Variants in PARVB observed in about 807,000 individuals in gnomAD.
PARVB encodes the protein beta-parvin.
In PARVB, 46 loss-of-function variants were observed where a neutral mutation model predicts 47.0. The observed-to-expected ratio is 0.98, with a 90% CI of 0.77 to 1.25. The LOEUF is 1.25. Among genes scored for constraint, PARVB ranks in the 50% most tolerant of loss-of-function variants. The pLI, the probability that PARVB is intolerant of heterozygous loss-of-function variation, is 0.00. For synonymous variants in PARVB, 196 were observed against 196.3 expected (o/e 1.00, Z 0.01); for missense variants, 473 against 471.6 (o/e 1.00, Z -0.03).
intron 1 of PARVB, among the ~76,000 whole-genome samples, chr22:44,090,977 T>C (rs1053543202): frequency 6.6e-6 from 1 of 152,262 alleles, no homozygotes; most frequent in Admixed American, 6.5e-5. Context: ...TACAAATACT[T>C]GCTGAAATTT....
intron 1 of PARVB, among the ~76,000 whole-genome samples, chr22:44,036,056 G>A (rs1001622656): frequency 2.0e-5 from 3 of 151,964 alleles, no homozygotes; most frequent in Non-Finnish European, 2.9e-5. Flanking sequence ...TCAGGAGTTC[G>A]ACACCAGCCT....
rs1321871355 is a variant in PARVB, at chr22:44,049,133, T to C, written c.112+24682T>C. Among the ~76,000 whole-genome samples, 1 of 152,138 alleles carries C rather than the reference T, an allele frequency of 6.6e-6. No individual in the cohort carries two copies. The highest frequency in any genetic ancestry group is 1.5e-5 in the Non-Finnish European group (1 of 68,016). ...GTGCCACTTCCCCTGCAAAATGAGATGAAAATGAGTCTCATTTTACGATGA... is the reference window on the plus strand; with the variant it reads ...GTGCCACTTCCCCTGCAAAATGAGACGAAAATGAGTCTCATTTTACGATGA... On this transcript the variant is annotated intron_variant, in intron 1 of 12. Coordinates refer to ENST00000338758, the MANE Select transcript of PARVB (RefSeq NM_013327.5). This position sits in a 1 kb window ranked among gnomAD's most constrained non-coding sequence, Gnocchi z 4.0.
chr22:44,020,200 AG>A (rs1480669277), upstream of PARVB, among the ~76,000 whole-genome samples: 1 of 143,810 alleles, frequency 7.0e-6, no homozygotes, highest in Non-Finnish European at 1.5e-5. Context: ...TTTTTGAGGC[AG>A]GGTCTGGCTC....
intron 6 of PARVB, among the ~76,000 whole-genome samples, chr22:44,135,239 C>T (rs1288815289): frequency 6.6e-6 from 1 of 152,044 alleles, no homozygotes; most frequent in Non-Finnish European, 1.5e-5. Flanking sequence ...TCACCACTGC[C>T]ATGCCCCCCT....
At chr22:44,061,994 C>G (rs2051428819) in intron 1 of PARVB, among the ~76,000 whole-genome samples, 2 of 152,260 alleles carry the variant, frequency 1.3e-5, no homozygotes, top group South Asian at 4.1e-4. Flanking sequence ...AAATTTTAGC[C>G]AGTAGACACA....
At chr22:44,057,992 T>C (rs2051347343) in intron 1 of PARVB, among the ~76,000 whole-genome samples, 1 of 152,134 alleles carries the variant, frequency 6.6e-6, no homozygotes, top group African/African-American at 2.4e-5. Flanking sequence ...GGGTGTACCC[T>C]GGGAAGGGAC....
intron 2 of PARVB, among the ~76,000 whole-genome samples, chr22:44,015,927 G>T (rs1163997660): frequency 1.3e-5 from 2 of 151,984 alleles, no homozygotes; most frequent in Admixed American, 6.6e-5. Flanking sequence ...TTATACAAAT[G>T]GCACACCTGG....
chr22:44,115,018 C>A (rs1306873395), intron 3 of PARVB: 1 of 93,692 alleles, frequency 1.1e-5, no homozygotes, highest in Non-Finnish European at 2.0e-5. Context: ...TACTAAGGCC[C>A]TGCACCAACA....
At chr22:44,008,340 C>A (rs1277333881) in intron 2 of PARVB, among the ~76,000 whole-genome samples, 1 of 152,044 alleles carries the variant, frequency 6.6e-6, no homozygotes, top group Non-Finnish European at 1.5e-5. Flanking sequence ...AAACTCTTGA[C>A]CTCAAGTGAT....
chr22:44,121,228 C>G (rs757486424), intron 4 of PARVB, among the ~76,000 whole-genome samples: 2 of 152,110 alleles, frequency 1.3e-5, no homozygotes, highest in Non-Finnish European at 2.9e-5. Flanking sequence ...CTGTTTTGTA[C>G]TGGCCTGAAG....
intron 1 of PARVB, among the ~76,000 whole-genome samples, chr22:44,079,254 G>T (rs1327946873): frequency 2.0e-5 from 3 of 152,170 alleles, no homozygotes; most frequent in African/African-American, 7.2e-5. Context: ...CGTTTTTAGT[G>T]ACTTGAATGA....
At chr22:44,078,545 G>A (rs752741669) in intron 1 of PARVB, among the ~76,000 whole-genome samples, 4 of 152,070 alleles carry the variant, frequency 2.6e-5, no homozygotes, top group Admixed American at 6.5e-5. Flanking sequence ...CAATCACATC[G>A]GGCCCCCTGA....
At chr22:44,082,455 G>C (rs945745850) in intron 1 of PARVB, among the ~76,000 whole-genome samples, 1 of 152,238 alleles carries the variant, frequency 6.6e-6, no homozygotes, top group African/African-American at 2.4e-5. Context: ...GGAGGTGGAG[G>C]TTGCAGTGAG....
chr22:44,059,483 G>A (rs1011864833), intron 1 of PARVB, among the ~76,000 whole-genome samples: 16 of 152,308 alleles, frequency 1.1e-4, no homozygotes, highest in Non-Finnish European at 1.9e-4. Context: ...AGCCCTTTTA[G>A]GTTGACTTCT....
chr22:44,087,975 T>C (rs1188351936), intron 1 of PARVB, among the ~76,000 whole-genome samples: 2 of 151,830 alleles, frequency 1.3e-5, no homozygotes, highest in Non-Finnish European at 2.9e-5. Context: ...GGTGGCTGCA[T>C]GCTGGCGACT....
intron 10 of PARVB, 96 bp from the exon 11 acceptor site, chr22:44,157,886 C>A: frequency 1.2e-6 from 1 of 803,926 alleles, no homozygotes; most frequent in Non-Finnish European, 2.1e-6. Flanking sequence ...GAGTGAGACC[C>A]TGTCTCAGAA....
intron 3 of PARVB, chr22:44,110,975 CTTA>C (rs1182493147): frequency 6.6e-6 from 1 of 152,114 alleles, no homozygotes; most frequent in Non-Finnish European, 1.5e-5. Flanking sequence ...AAAAATGATA[CTTA>C]TTATCTTTTT....
At chr22:44,115,464 G>A (rs1207932848) in intron 3 of PARVB, 2 of 107,954 alleles carry the variant, frequency 1.9e-5, no homozygotes, top group African/African-American at 3.7e-5. Context: ...GTAAGGCCCT[G>A]CACCAACACA....
intron 1 of PARVB, among the ~76,000 whole-genome samples, chr22:44,079,312 C>T (rs535682094): frequency 3.3e-5 from 5 of 152,294 alleles, no homozygotes; most frequent in East Asian, 1.9e-4. Flanking sequence ...TGAAAATGCC[C>T]GGGCTCCAGC....
Sources: gnomAD v4.1 joint callset for allele counts (sites outside exome capture counted in the v4.1 genomes callset) on GRCh38, gnomAD v4.1.1 for gene constraint, Gnocchi (gnomAD v3.1) non-coding constraint, MANE v1.5 for transcripts, NCBI Gene and HGNC (gene_info 2026-07-23, HGNC 2026-07-21) for gene names.